Variants in KLRC3 observed in about 807,000 individuals in gnomAD.
KLRC3 encodes the protein NKG2-E type II integral membrane protein.
A neutral mutation model predicts 23.6 loss-of-function variants in KLRC3; 16 were observed. The observed-to-expected ratio is 0.68, with a 90% CI of 0.46 to 1.03. KLRC3 has a LOEUF of 1.03. Among genes scored for constraint, KLRC3 ranks in the 50% least tolerant of loss-of-function variants. The pLI is 0.00. For missense variants in KLRC3, 209 were observed against 232.2 expected, an observed-to-expected ratio of 0.90 and a Z score of 0.65; for synonymous variants, 70 against 71.8, an observed-to-expected ratio of 0.98 and a Z score of 0.13.
intron 6 of KLRC3, among the ~76,000 whole-genome samples, chr12:10,413,202 C>G (rs1863596553): frequency 6.6e-6 from 1 of 152,114 alleles, no homozygotes; most frequent in Admixed American, 6.5e-5. Context: ...CTATATTTTA[C>G]CTACAACAGA....
intron 1 of KLRC3, 136 bp downstream of exon 1, chr12:10,420,228 T>A: frequency 9.4e-7 from 1 of 1,064,102 alleles, no homozygotes; most frequent in Non-Finnish European, 1.4e-6. Flanking sequence ...TCTTCTGATT[T>A]CATATTAGAA....
intron 3 of KLRC3, 100 bp from the exon 4 acceptor site, chr12:10,418,598 T>C (rs987796877): frequency 7.8e-7 from 1 of 1,286,628 alleles, no homozygotes. Flanking sequence ...GTGCTTAACA[T>C]ATTTATGCAT....
At chr12:10,416,633 AT>A (rs752520454) in intron 5 of KLRC3, 33 bp downstream of exon 5, 23 of 1,579,502 alleles carry the variant, frequency 1.5e-5, no homozygotes, top group Non-Finnish European at 1.9e-5. Flanking sequence ...TATCCTTTAT[AT>A]TTTTTTATAT....
intron 6 of KLRC3, among the ~76,000 whole-genome samples, chr12:10,413,637 T>C (rs1434056909): frequency 1.3e-5 from 2 of 152,136 alleles, no homozygotes; most frequent in African/African-American, 4.8e-5. Context: ...CTCTTTATTA[T>C]TATTATTATA....
chr12:10,419,787 C>G, intron 2 of KLRC3, 79 bp downstream of exon 2: 1 of 383,006 alleles, frequency 2.6e-6, no homozygotes, highest in South Asian at 2.5e-5. Context: ...TTCTATTCTT[C>G]AACAGTATGA....
At chr12:10,413,172 T>C (rs2137853880) in intron 6 of KLRC3, among the ~76,000 whole-genome samples, 1 of 152,308 alleles carries the variant, frequency 6.6e-6, no homozygotes, top group South Asian at 2.1e-4. Flanking sequence ...ACATTTCCAG[T>C]TTAATAGAAA....
chr12:10,416,163 T>G (rs1209646117), intron 5 of KLRC3, among the ~76,000 whole-genome samples: 2 of 152,244 alleles, frequency 1.3e-5, no homozygotes, highest in Non-Finnish European at 2.9e-5. Context: ...TATTGTGCTT[T>G]GAGGATATTC....
At chr12:10,418,615 A>G in intron 3 of KLRC3, 117 bp from the exon 4 acceptor site, 1 of 1,188,462 alleles carries the variant, frequency 8.4e-7, no homozygotes, top group South Asian at 1.6e-5. Context: ...GCATCCTTAC[A>G]GGCTTATAAG....
rs866586081 is a variant in KLRC3 at position 10,415,619 on chromosome 12, T to A, written c.678+85A>T. ...ATTCATTTTAAGGCTTATGCAATCA[T>A]AATATCATTTCTGTTTGAACAAATA... On this transcript the variant is annotated intron_variant, in intron 6 of 6. Coordinates refer to ENST00000396439, the MANE Select transcript of KLRC3 (RefSeq NM_002261.3). 9 of 1,588,148 alleles carry A rather than the reference T, an allele frequency of 5.7e-6. No individual in the cohort carries two copies. The East Asian group carries it at 1.8e-4, about 32-fold the overall frequency.
Position 10,420,378 on chromosome 12 carries a change from A to G in KLRC3, c.173T>C (p.Ile58Thr), listed in dbSNP as rs1480163315. The change falls in exon 1 of 7, where the codon ATA becomes ACA. Residue 58 changes from isoleucine (I) to threonine (T), a missense_variant. Transcript: ENST00000396439. Reference sequence around the variant, plus strand: ...TAATGTTTTACCTTGGCAGTCATATATTTTATCAATCCCTTGATGATTCAG... The same window carrying G: ...TAATGTTTTACCTTGGCAGTCATATGTTTTATCAATCCCTTGATGATTCAG... ...ASLNHQGIDK[I>T]YDCQGLLPPP... 3 of 1,613,470 alleles carry G rather than the reference A, an allele frequency of 1.9e-6. No individual in the cohort carries two copies. Among genetic ancestry groups the G allele is most frequent in the Non-Finnish European group, 2.5e-6 (3 of 1,179,544 alleles).
At chr12:10,415,509 C>A in intron 6 of KLRC3, 195 bp downstream of exon 6, 4 of 897,644 alleles carry the variant, frequency 4.5e-6, no homozygotes, top group Non-Finnish European at 6.4e-6. Flanking sequence ...GACTTAAATG[C>A]GAGGGTATCT....
chr12:10,415,569 T>C (rs1226444828), intron 6 of KLRC3, 135 bp downstream of exon 6: 2 of 1,354,132 alleles, frequency 1.5e-6, no homozygotes, highest in Admixed American at 2.6e-5. Flanking sequence ...TTTGGAATTT[T>C]CTTATTATTA....
At chr12:10,413,103 T>C (rs546023727) in intron 6 of KLRC3, among the ~76,000 whole-genome samples, 1 of 152,204 alleles carries the variant, frequency 6.6e-6, no homozygotes, top group Non-Finnish European at 1.5e-5. Flanking sequence ...TTAATAAAAA[T>C]AAATAACATT....
intron 6 of KLRC3, 45 bp from the exon 7 acceptor site, chr12:10,412,661 G>A (rs1863591489): frequency 1.5e-6 from 1 of 688,538 alleles, no homozygotes; most frequent in Admixed American, 2.1e-5. Context: ...GTATTGGCCT[G>A]TAGCCAGCTA....
At chr12:10,416,505 C>G (rs1456891972) in intron 5 of KLRC3, among the ~76,000 whole-genome samples, 162 bp downstream of exon 5, 3 of 152,200 alleles carry the variant, frequency 2.0e-5, no homozygotes, top group African/African-American at 7.2e-5. Flanking sequence ...GAGTGGTGGA[C>G]ATATATGGAC....
At chr12:10,415,666 G>C in intron 6 of KLRC3, 38 bp downstream of exon 6, 5 of 1,612,274 alleles carry the variant, frequency 3.1e-6, no homozygotes, top group Non-Finnish European at 4.2e-6. Context: ...CTGATGCACT[G>C]CAAGCTCAAG....
chr12:10,415,113 A>G (rs1863621631), intron 6 of KLRC3, among the ~76,000 whole-genome samples: 1 of 152,202 alleles, frequency 6.6e-6, no homozygotes, highest in South Asian at 2.1e-4. Context: ...AATCTTTAAA[A>G]ATTACTTTAG....
chr12:10,418,562 A>G, intron 3 of KLRC3, 64 bp from the exon 4 acceptor site: 4 of 1,452,766 alleles, frequency 2.8e-6, no homozygotes, highest in Non-Finnish European at 3.8e-6. Context: ...ATTAGTTCAC[A>G]TATTTGCAAC....
intron 4 of KLRC3, 116 bp from the exon 5 acceptor site, chr12:10,416,883 A>G: frequency 1.2e-6 from 1 of 847,298 alleles, no homozygotes. Flanking sequence ...AAATGTTTGA[A>G]TTTTTTATTT....
Sources: gnomAD v4.1 joint callset for allele counts (sites outside exome capture counted in the v4.1 genomes callset) on GRCh38, gnomAD v4.1.1 for gene constraint, MANE v1.5 for transcripts, NCBI Gene and HGNC (gene_info 2026-07-23, HGNC 2026-07-21) for gene names.